Variants in NSF observed in about 807,000 individuals in gnomAD.
The protein encoded by NSF is vesicle-fusing ATPase.
Under a neutral mutation model 50.3 loss-of-function variants are expected in NSF, and 14 were observed. The observed-to-expected ratio is 0.28, with a 90% CI of 0.18 to 0.44. The LOEUF is 0.44. Among genes scored for constraint, NSF ranks in the 20% least tolerant of loss-of-function variants. The pLI, the probability that NSF is intolerant of heterozygous loss-of-function variation, is 1.00. For missense variants in NSF, 218 were observed against 504.3 expected (o/e 0.43, Z 5.44); for synonymous variants, 109 against 175.7 (o/e 0.62, Z 3.00).
rs1362378248 is a variant in NSF at position 46,719,252 on chromosome 17, A to G, written c.1761+5266A>G. ...AATATGTAACACATTAATTTTTGTT[A>G]AAGATGTGTGGTCTGAATTAGTTAA... On this transcript the variant is annotated intron_variant, in intron 15 of 20. Transcript: ENST00000398238. This position sits in a 1 kb window ranked among gnomAD's most constrained non-coding sequence, Gnocchi z 4.3. Among the ~76,000 whole-genome samples, 7 of 152,344 alleles carry G rather than the reference A, an allele frequency of 4.6e-5. No individual in the cohort carries two copies. In the East Asian group the frequency reaches 5.8e-4, roughly 13 times the overall value.
intron 1 of NSF, among the ~76,000 whole-genome samples, chr17:46,598,851 A>C (rs1381814477): frequency 6.8e-6 from 1 of 147,376 alleles, no homozygotes; most frequent in East Asian, 2.0e-4. Flanking sequence ...AATACTATAA[A>C]GTGTTTGGTA....
At chr17:46,721,406 C>T (rs2058829636) in intron 15 of NSF, among the ~76,000 whole-genome samples, 1 of 152,112 alleles carries the variant, frequency 6.6e-6, no homozygotes, top group East Asian at 1.9e-4. Flanking sequence ...TTCTTCAGTT[C>T]TTCCTGTTTT....
Position 46,713,715 on chromosome 17 carries a change from G to A in NSF, c.1628-138G>A, listed in dbSNP as rs781598270. On this transcript the variant is annotated intron_variant, in intron 14 of 20. Coordinates refer to ENST00000398238, the MANE Select transcript of NSF (RefSeq NM_006178.4). ...CTAATAAATAAGAGAAAACATGTCTGCTGTGAAATTGTGTCAGGAAATGTT... is the reference window on the plus strand; with the variant it reads ...CTAATAAATAAGAGAAAACATGTCTACTGTGAAATTGTGTCAGGAAATGTT... The A allele has an allele frequency of 7.1e-6, 5 of 706,424 alleles. No individual in the cohort carries two copies. The South Asian group carries it at 7.6e-5, about 11-fold the overall frequency. The allele number at this position is 706,424 out of a possible 1,614,324, so 43.8% of individuals were successfully genotyped here. A position where few individuals can be genotyped will look rare whatever the true frequency, so the allele number is the denominator to read the frequency against.
chr17:46,703,704 A>C (rs2058630659), intron 12 of NSF, among the ~76,000 whole-genome samples: 1 of 143,602 alleles, frequency 7.0e-6, no homozygotes, highest in Admixed American at 7.0e-5. Flanking sequence ...AAAAAAAAAA[A>C]CAAAAAACAG....
chr17:46,751,387 A>G (rs888278412), intron 18 of NSF, 116 bp from the exon 19 acceptor site: 5 of 724,038 alleles, frequency 6.9e-6, no homozygotes, highest in South Asian at 1.8e-5. Context: ...AGAGAATTCT[A>G]TCAACTTGAA....
At chr17:46,619,802 A>G (rs1160804637) in intron 1 of NSF, among the ~76,000 whole-genome samples, 8 of 75,004 alleles carry the variant, frequency 1.1e-4, no homozygotes, top group African/African-American at 4.5e-4. Context: ...AAAAACCCAG[A>G]AAGTAAAGTG....
chr17:46,725,840 A>G (rs989284501), intron 15 of NSF, among the ~76,000 whole-genome samples: 1 of 152,124 alleles, frequency 6.6e-6, no homozygotes, highest in Non-Finnish European at 1.5e-5. Flanking sequence ...CTGGAATAGT[A>G]CCTTCATTTC....
At chr17:46,742,799 G>T (rs982437275) in intron 17 of NSF, among the ~76,000 whole-genome samples, 1 of 152,200 alleles carries the variant, frequency 6.6e-6, no homozygotes, top group African/African-American at 2.4e-5. Context: ...GAGTTGACAG[G>T]CTAGAAACAA....
At chr17:46,740,992 C>G (rs1416954383) in intron 17 of NSF, among the ~76,000 whole-genome samples, 1 of 152,150 alleles carries the variant, frequency 6.6e-6, no homozygotes, top group African/African-American at 2.4e-5. Flanking sequence ...CTCCCTAACT[C>G]AAATTAAGAG....
chr17:46,605,573 A>C (rs1268682862), intron 1 of NSF, among the ~76,000 whole-genome samples: 4 of 100,818 alleles, frequency 4.0e-5, no homozygotes, highest in Middle Eastern at 5.3e-3. Context: ...CCATATGCTT[A>C]GAGAAAATAA....
chr17:46,750,052 T>C (rs893799258), intron 18 of NSF, 145 bp downstream of exon 18: 3 of 892,556 alleles, frequency 3.4e-6, no homozygotes, highest in Non-Finnish European at 4.9e-6. Context: ...ATATACCTTA[T>C]CCAAAATGCC....
At chr17:46,708,542 A>G (rs1598700037) in intron 13 of NSF, among the ~76,000 whole-genome samples, 1 of 130,278 alleles carries the variant, frequency 7.7e-6, no homozygotes, top group African/African-American at 3.0e-5. Context: ...CCCAGGCTGG[A>G]GTGCAGTGGC....
chr17:46,727,389 T>C (rs1205836283), intron 16 of NSF, among the ~76,000 whole-genome samples: 1 of 152,146 alleles, frequency 6.6e-6, no homozygotes, highest in East Asian at 1.9e-4. Context: ...GGTAATACAC[T>C]CTATTGAAAT....
intron 17 of NSF, among the ~76,000 whole-genome samples, chr17:46,740,505 T>C (rs1490350837): frequency 1.3e-5 from 2 of 152,058 alleles, no homozygotes; most frequent in Non-Finnish European, 2.9e-5. Context: ...CTGAGATAGG[T>C]AGGGAAAATC....
chr17:46,730,992 G>A (rs756352524), intron 17 of NSF, among the ~76,000 whole-genome samples: 1 of 152,054 alleles, frequency 6.6e-6, no homozygotes, highest in Non-Finnish European at 1.5e-5. Context: ...GTTAAGCATA[G>A]AGTTACCATA....
intron 17 of NSF, among the ~76,000 whole-genome samples, chr17:46,748,601 G>GAATC (rs1363582031): frequency 1.3e-5 from 2 of 152,192 alleles, no homozygotes; most frequent in Non-Finnish European, 2.9e-5. Flanking sequence ...GGGATACAGG[G>GAATC]AATCTAACAG....
chr17:46,718,261 A>C (rs1172280629), intron 15 of NSF, among the ~76,000 whole-genome samples: 1 of 152,192 alleles, frequency 6.6e-6, no homozygotes, highest in African/African-American at 2.4e-5. Context: ...GTCATGCCAC[A>C]GACTGGCCCT....
chr17:46,743,042 ATGAG>A (rs1387232955), intron 17 of NSF, among the ~76,000 whole-genome samples: 1 of 152,150 alleles, frequency 6.6e-6, no homozygotes. Flanking sequence ...CCACGCTGCC[ATGAG>A]TCCTTCTGAC....
intron 8 of NSF, among the ~76,000 whole-genome samples, chr17:46,657,231 G>A (rs1439344464): frequency 1.0e-5 from 1 of 99,784 alleles, no homozygotes; most frequent in Non-Finnish European, 2.2e-5. Context: ...GAATCAAAAA[G>A]GATTCACAAG....
Sources: allele counts gnomAD v4.1 joint callset (sites outside exome capture counted in the v4.1 genomes callset), GRCh38; gene constraint gnomAD v4.1.1; non-coding constraint Gnocchi (gnomAD v3.1); transcripts MANE v1.5; gene names NCBI Gene and HGNC (gene_info 2026-07-23, HGNC 2026-07-21).